The following HMGCS1 variants were observed in gnomAD, a reference collection of about 807,000 sequenced individuals.
HMGCS1 encodes hydroxymethylglutaryl-CoA synthase, cytoplasmic.
A neutral mutation model predicts 52.3 loss-of-function variants in HMGCS1; 9 were observed. The ratio of observed to expected loss-of-function variants is 0.17; its 90% CI spans 0.10 to 0.30. HMGCS1 has a LOEUF of 0.30. Among genes scored for constraint, HMGCS1 ranks in the 10% least tolerant of loss-of-function variants. The probability of loss-of-function intolerance (pLI) is 1.00; values close to 1 mark genes in which losing one functional copy is unlikely to be tolerated. For missense variants in HMGCS1, 320 were observed against 620.9 expected, an observed-to-expected ratio of 0.52 and a Z score of 5.15; for synonymous variants, 176 against 214.4, an observed-to-expected ratio of 0.82 and a Z score of 1.57.
rs1370448833 is a variant in HMGCS1, at chr5:43,289,895, A to G, written c.*1236T>C. 6.6e-6 allele frequency: 1 copy of G among 152,536 alleles called. No individual in the cohort carries two copies. The highest frequency in any genetic ancestry group is 2.4e-5 in the African/African-American group (1 of 41,418). 9.4% of individuals were successfully genotyped at this position (152,536 alleles called of 1,614,324 possible). A position where few individuals can be genotyped will look rare whatever the true frequency, so the allele number is the denominator to read the frequency against. On this transcript the variant is annotated 3_prime_UTR_variant, in exon 11 of 11. Transcript: ENST00000325110. ...TCCAACTATCCCTATTTTACAATCT[A>G]TAAGGCTCATGTCATAGTTCAGCAC...
intron 5 of HMGCS1, 133 bp from the exon 6 acceptor site, chr5:43,296,050 T>C: frequency 3.3e-6 from 2 of 601,538 alleles, no homozygotes; most frequent in Non-Finnish European, 5.9e-6. Flanking sequence ...ATGAAACCTC[T>C]CTATACCTTA....
chr5:43,309,843 T>C (rs796606715), intron 1 of HMGCS1, among the ~76,000 whole-genome samples: 3 of 152,270 alleles, frequency 2.0e-5, no homozygotes, highest in African/African-American at 7.2e-5. Flanking sequence ...TATAGGCACT[T>C]TGAGTCTGGC....
Position 43,291,079 on chromosome 5 carries a change from A to ACCCCCCCCCCCAAGCCC in HMGCS1, c.*51_*52insGGGCTTGGGGGGGGGGG. On this transcript the variant is annotated 3_prime_UTR_variant, in exon 11 of 11. Transcript: ENST00000325110. ...ATCCCATTCCTCCAACTGTTCCCAT[A>ACCCCCCCCCCCAAGCCC]CCCCCACCCCATGCCCACCCCACCC... is the stretch of plus-strand genomic sequence containing the variant. The ACCCCCCCCCCCAAGCCC allele has an allele frequency of 3.8e-6, 3 of 780,094 alleles. No individual in the cohort carries two copies. The highest frequency in any genetic ancestry group is 4.6e-6 in the Non-Finnish European group (2 of 430,608). 48.3% of individuals were successfully genotyped at this position (780,094 alleles called of 1,614,324 possible). A position where few individuals can be genotyped will look rare whatever the true frequency, so the allele number is the denominator to read the frequency against.
At chr5:43,304,513 TAA>T (rs1378010438) in intron 2 of HMGCS1, among the ~76,000 whole-genome samples, 1 of 152,236 alleles carries the variant, frequency 6.6e-6, no homozygotes, top group Admixed American at 6.5e-5. Context: ...CAATTCTCTA[TAA>T]AAAGTTATAA....
At chr5:43,297,914 A>G in intron 4 of HMGCS1, 95 bp downstream of exon 4, 2 of 1,027,352 alleles carry the variant, frequency 1.9e-6, no homozygotes, top group South Asian at 3.2e-5. Context: ...ACCTGCATTT[A>G]ATGACCATTA....
At chr5:43,311,698 T>C (rs1194750418) in intron 1 of HMGCS1, among the ~76,000 whole-genome samples, 2 of 150,098 alleles carry the variant, frequency 1.3e-5, no homozygotes, top group African/African-American at 5.1e-5. Context: ...AATCTCAAAA[T>C]CAATCCACAG....
chr5:43,291,096 AC>A lies in HMGCS1; in HGVS notation c.*34del. On this transcript the variant is annotated 3_prime_UTR_variant, in exon 11 of 11. Coordinates refer to ENST00000325110, the MANE Select transcript of HMGCS1 (RefSeq NM_001098272.3). The stretch of plus-strand genomic sequence containing the variant: ...GTTCCCATACCCCCACCCCATGCCC[AC>A]CCCACCCTGAAGTCTTGCACCTCAC... The A allele has an allele frequency of 2.2e-6, 1 of 446,582 alleles. No homozygotes were observed. The highest frequency in any genetic ancestry group is 4.4e-6 in the Non-Finnish European group (1 of 225,422). 27.7% of individuals were successfully genotyped at this position (446,582 alleles called of 1,614,324 possible). A position where few individuals can be genotyped will look rare whatever the true frequency, so the allele number is the denominator to read the frequency against.
chr5:43,302,639 T>C (rs1007529950), intron 2 of HMGCS1, among the ~76,000 whole-genome samples: 5 of 152,334 alleles, frequency 3.3e-5, no homozygotes, highest in Middle Eastern at 3.4e-3. Context: ...CATTTGCATA[T>C]GACAGTCAAC....
chr5:43,291,598 G>A (rs537982434), intron 10 of HMGCS1, among the ~76,000 whole-genome samples: 1 of 152,234 alleles, frequency 6.6e-6, no homozygotes, highest in Admixed American at 6.5e-5. Context: ...TAAATAAGTA[G>A]TTTCAAGGTT....
chr5:43,294,260 A>C (rs755429973), intron 7 of HMGCS1, 98 bp from the exon 8 acceptor site: 130 of 213,132 alleles, frequency 6.1e-4, no homozygotes, highest in Non-Finnish European at 2.4e-4. Context: ...GGCTATAAGT[A>C]AAAGTAGAAT....
chr5:43,311,221 G>A (rs946286715), intron 1 of HMGCS1, among the ~76,000 whole-genome samples: 2 of 151,920 alleles, frequency 1.3e-5, no homozygotes, highest in African/African-American at 4.8e-5. Flanking sequence ...CAGCTACTTG[G>A]GAGGCTGAGG....
intron 10 of HMGCS1, 126 bp from the exon 11 acceptor site, chr5:43,291,346 T>C (rs562663877): frequency 3.2e-6 from 2 of 623,462 alleles, no homozygotes; most frequent in East Asian, 5.4e-5. Flanking sequence ...ATGCTAAATA[T>C]ATATTTTATA....
rs536832340 is a variant in HMGCS1 at position 43,295,603 on chromosome 5, T to C, written c.905+149A>G. On this transcript the variant is annotated intron_variant, in intron 6 of 10. Coordinates refer to ENST00000325110, the MANE Select transcript of HMGCS1 (RefSeq NM_001098272.3). ...TAACTACCACCTCTCTGGACTTAGA[T>C]TCTTCACTGACTGAGACACACAGAT... 8.6e-6 allele frequency: 5 copies of C among 580,782 alleles called. No individual in the cohort carries two copies. In the South Asian group the frequency reaches 1.6e-4, roughly 18 times the overall value. The allele number at this position is 580,782 out of a possible 1,614,324, so 36.0% of individuals were successfully genotyped here. A position where few individuals can be genotyped will look rare whatever the true frequency, so the allele number is the denominator to read the frequency against.
rs748699156 is a variant in HMGCS1, at chr5:43,298,920, C to A, written c.46G>T (p.Asp16Tyr). The A allele has an allele frequency of 4.3e-6, 7 of 1,613,820 alleles. No homozygotes were observed. In the South Asian group the frequency reaches 6.6e-5, roughly 15 times the overall value. Residue 16 changes from aspartate (D) to tyrosine (Y), a missense_variant, in exon 3 of 11, where the codon GAT becomes TAT. Physicochemically the swap from Asp to Tyr is radical, Grantham distance 160 (BLOSUM62 -3). Transcript: ENST00000325110. This position sits in a 1 kb window ranked among gnomAD's most constrained non-coding sequence, Gnocchi z 5.6. ...PLNAEACWPK[D>Y]VGIVALEIYF... The stretch of plus-strand genomic sequence containing the variant: ...ATCTCAAGGGCAACAATTCCCACAT[C>A]TTTTGGCCAGCAAGCTTCTGCATTC...
intron 2 of HMGCS1, 128 bp from the exon 3 acceptor site, chr5:43,299,103 A>G (rs1754177365): frequency 1.6e-6 from 1 of 643,858 alleles, no homozygotes; most frequent in African/African-American, 1.8e-5. Flanking sequence ...TAAGTTTAGT[A>G]TTTAGGGCAC....
Position 43,298,497 on chromosome 5 carries a change from G to A in HMGCS1, c.448+21C>T, listed in dbSNP as rs770192881. On this transcript the variant is annotated intron_variant, in intron 3 of 10. Transcript: ENST00000325110. This position sits in a 1 kb window ranked among gnomAD's most constrained non-coding sequence, Gnocchi z 5.6. The stretch of plus-strand genomic sequence containing the variant: ...TAGAAAAAAATTTTGGGGGACGGCG[G>A]GGAATAGGCATGTAACATACCATCC... The A allele has an allele frequency of 4.4e-6, 7 of 1,581,276 alleles. No individual in the cohort carries two copies. The South Asian group carries it at 6.8e-5, about 15-fold the overall frequency.
Position 43,294,802 on chromosome 5 carries a change from G to T in HMGCS1, c.965C>A (p.Ala322Asp). 1 of 1,611,260 alleles carries T rather than the reference G, an allele frequency of 6.2e-7. No homozygotes were observed. Among genetic ancestry groups the T allele is most frequent in the Non-Finnish European group, 8.5e-7 (1 of 1,177,780 alleles). ...TTTCTGACTGAAGAGTTCAGAGCTA[G>T]CCTTCATAAATGCCTTCTCCACATC... ...DRDVEKAFMK[A>D]SSELFSQKTK... The change falls in exon 7 of 11, where the codon GCT becomes GAT. Residue 322 changes from alanine (A) to aspartate (D), a missense_variant. Ala to Asp is a moderately radical substitution (Grantham distance 126). This residue lies in a region of HMGCS1 where 213 missense variants were observed against 337.4 expected (regional missense o/e 0.63). Transcript: ENST00000325110.
chr5:43,295,307 G>C (rs1043206541), intron 6 of HMGCS1, among the ~76,000 whole-genome samples: 8 of 152,162 alleles, frequency 5.3e-5, no homozygotes, highest in Non-Finnish European at 8.8e-5. Context: ...AAGAGACACA[G>C]GGAGAAACAG....
In HMGCS1 at chr5:43,313,381, GA is replaced by G. The variant is rs1319097581; in HGVS notation, c.-96del. On this transcript the variant is annotated 5_prime_UTR_variant, in exon 1 of 11. Transcript: ENST00000325110. ...CAAGCGTGACCGAGCGGCAGCAGAG[GA>G]AAGGGAGTGAGCCACGAAAGGACAG... The G allele has an allele frequency of 6.6e-6, 1 of 152,478 alleles. No individual in the cohort carries two copies. The highest frequency in any genetic ancestry group is 1.5e-5 in the Non-Finnish European group (1 of 68,228). The allele number at this position is 152,478 out of a possible 1,614,324, so 9.4% of individuals were successfully genotyped here.
Sources: allele counts gnomAD v4.1 joint callset (sites outside exome capture counted in the v4.1 genomes callset), GRCh38; gene constraint gnomAD v4.1.1; regional missense constraint gnomAD v4.1.1; non-coding constraint Gnocchi (gnomAD v3.1); transcripts MANE v1.5; gene names NCBI Gene and HGNC (gene_info 2026-07-23, HGNC 2026-07-21).